The following ALK variants were observed in gnomAD, a reference collection of about 807,000 sequenced individuals.
The protein encoded by ALK is ALK tyrosine kinase receptor.
A neutral mutation model predicts 163.1 loss-of-function variants in ALK; 74 were observed. The ratio of observed to expected loss-of-function variants is 0.45; its 90% CI spans 0.38 to 0.55. The LOEUF is 0.55. Among genes scored for constraint, ALK ranks in the 20% least tolerant of loss-of-function variants. ALK has a pLI of 0.00. For missense variants in ALK, 2,063 were observed against 2,105.3 expected, an observed-to-expected ratio of 0.98 and a Z score of 0.39; for synonymous variants, 960 against 843.2, an observed-to-expected ratio of 1.14 and a Z score of -2.40.
intron 4 of ALK, among the ~76,000 whole-genome samples, chr2:29,412,500 T>A (rs1044171911): frequency 6.6e-6 from 1 of 152,194 alleles, no homozygotes; most frequent in Non-Finnish European, 1.5e-5. Context: ...ATTGACTTAG[T>A]CACCTTATGG....
At chr2:29,503,964 C>T (rs1338444799) in intron 4 of ALK, among the ~76,000 whole-genome samples, 3 of 151,690 alleles carry the variant, frequency 2.0e-5, no homozygotes, top group Non-Finnish European at 4.4e-5. Context: ...GTGGCAAAAA[C>T]TGCAATTACT....
chr2:29,211,709 C>A (rs1353708024), intron 24 of ALK, among the ~76,000 whole-genome samples: 1 of 152,176 alleles, frequency 6.6e-6, no homozygotes, highest in Non-Finnish European at 1.5e-5. Context: ...GTACCACAGA[C>A]CTCTTAGCTA....
chr2:29,670,579 C>A (rs1278211852), intron 3 of ALK, among the ~76,000 whole-genome samples: 1 of 152,004 alleles, frequency 6.6e-6, no homozygotes, highest in Non-Finnish European at 1.5e-5. Flanking sequence ...GCTATTATTT[C>A]TTCGAATAAA....
At chr2:29,831,660 A>G (rs989293933) in intron 1 of ALK, among the ~76,000 whole-genome samples, 1 of 152,210 alleles carries the variant, frequency 6.6e-6, no homozygotes, top group Admixed American at 6.5e-5. Flanking sequence ...TCAAGATTCA[A>G]CACCTAATAG....
chr2:29,851,461 T>C (rs1392703417), intron 1 of ALK, among the ~76,000 whole-genome samples: 1 of 152,172 alleles, frequency 6.6e-6, no homozygotes, highest in African/African-American at 2.4e-5. Context: ...TTCCTCTTGG[T>C]CTGTCTAAGA....
intron 8 of ALK, among the ~76,000 whole-genome samples, chr2:29,299,188 G>A (rs1371533563): frequency 1.3e-5 from 2 of 152,118 alleles, no homozygotes; most frequent in African/African-American, 4.8e-5. Context: ...ACTCTTCAGA[G>A]TCTCCTAAAG....
At position 29,733,707 on chromosome 2, in the gene ALK, G is replaced by A. The variant is rs377671860; in HGVS notation, c.668-16010C>T. On this transcript the variant is annotated intron_variant, in intron 1 of 28. Transcript: ENST00000389048. ...CAAAATATGGGCCCAGCCATTGAGA[G>A]TTCTGAGTTTTAAAACTTCAGGGAA... is the stretch of plus-strand genomic sequence containing the variant. Among the ~76,000 whole-genome samples the A allele has an allele frequency of 2.1e-4, 32 of 152,300 alleles. No homozygotes were observed. The East Asian group carries it at 4.0e-3, about 19-fold the overall frequency.
intron 3 of ALK, among the ~76,000 whole-genome samples, chr2:29,645,414 G>A (rs1256529882): frequency 1.3e-5 from 2 of 152,154 alleles, no homozygotes; most frequent in East Asian, 1.9e-4. Context: ...TGGTCAGCTT[G>A]AGGAATGTCC....
At position 29,222,708 on chromosome 2, in the gene ALK, C is replaced by A. The variant is rs917241690; in HGVS notation, c.3360-101G>T. On this transcript the variant is annotated intron_variant, in intron 20 of 28. Transcript: ENST00000389048. ...GGGCGTCACATTTAGTGGACAAACA[C>A]GAGAGGCGGGGGTAACATACACACT... 6 of 987,034 alleles carry A rather than the reference C, an allele frequency of 6.1e-6. No individual in the cohort carries two copies. The African/African-American group carries it at 9.7e-5, about 16-fold the overall frequency. 61.1% of individuals were successfully genotyped at this position (987,034 alleles called of 1,614,324 possible). A position where few individuals can be genotyped will look rare whatever the true frequency, so the allele number is the denominator to read the frequency against.
intron 1 of ALK, among the ~76,000 whole-genome samples, chr2:29,847,916 C>G (rs1174480640): frequency 6.6e-6 from 1 of 151,996 alleles, no homozygotes; most frequent in African/African-American, 2.4e-5. Context: ...GAAGGAGAAG[C>G]AGAGATGGGA....
At chr2:29,446,875 C>CAGAT (rs2148087915) in intron 4 of ALK, among the ~76,000 whole-genome samples, 1 of 152,294 alleles carries the variant, frequency 6.6e-6, no homozygotes, top group South Asian at 2.1e-4. Flanking sequence ...TTATAAAATG[C>CAGAT]AGATGCTGGG....
At chr2:29,873,530 G>C (rs987716617) in intron 1 of ALK, among the ~76,000 whole-genome samples, 3 of 152,174 alleles carry the variant, frequency 2.0e-5, no homozygotes, top group African/African-American at 7.2e-5. Context: ...CCAAGTCAGA[G>C]ATGGGAAGTA....
At position 29,251,241 on chromosome 2, in the gene ALK, C is replaced by T. The variant is rs375105843; in HGVS notation, c.2068G>A (p.Ala690Thr). ...TVHWLFTTCG[A>T]SGPHGPTQAQ... ...TGGGTGGGGCCATGGGGCCCGCTGG[C>T]CCCACATGTGGTGAACAGCCAATGA... The change falls in exon 12 of 29, where the codon GCC becomes ACC. Residue 690 changes from alanine (A) to threonine (T), a missense_variant. Physicochemically the swap from Ala to Thr is moderately conservative, Grantham distance 58 (BLOSUM62 0). Coordinates refer to ENST00000389048, the MANE Select transcript of ALK (RefSeq NM_004304.5). The T allele has an allele frequency of 6.2e-7, 1 of 1,613,910 alleles. No homozygotes were observed. The highest frequency in any genetic ancestry group is 1.7e-5 in the Admixed American group (1 of 60,006).
At chr2:29,782,285 C>A (rs550395300) in intron 1 of ALK, among the ~76,000 whole-genome samples, 2 of 152,086 alleles carry the variant, frequency 1.3e-5, no homozygotes, top group Non-Finnish European at 2.9e-5. Context: ...GGTGAAGAGA[C>A]CTGTGGGTTT....
rs142523023 is a variant in ALK at position 29,214,055 on chromosome 2, C to T, written c.3672G>A (p.Leu1224=). ...RPSQPSSLAM[L]DLLHVARDIA... ...TGTCCCGAGCCACGTGCAGAAGGTC[C>T]AGCATGGCCAGGGAGGAGGGCTGGC... is the stretch of plus-strand genomic sequence containing the variant. Residue 1224 remains leucine, a synonymous_variant, in exon 24 of 29, where the codon CTG becomes CTA. Coordinates refer to ENST00000389048, the MANE Select transcript of ALK (RefSeq NM_004304.5). 2 of 1,613,946 alleles carry T rather than the reference C, an allele frequency of 1.2e-6. No homozygotes were observed. Among genetic ancestry groups the T allele is most frequent in the Non-Finnish European group, 8.5e-7 (1 of 1,179,960 alleles).
intron 4 of ALK, among the ~76,000 whole-genome samples, chr2:29,402,308 T>C (rs1669467823): frequency 1.3e-5 from 2 of 152,178 alleles, no homozygotes; most frequent in Admixed American, 6.5e-5. Flanking sequence ...CAGAACAACT[T>C]CCCCACAGGC....
chr2:29,632,179 T>C (rs1340378586), intron 3 of ALK, among the ~76,000 whole-genome samples: 1 of 152,156 alleles, frequency 6.6e-6, no homozygotes. Flanking sequence ...GTGCAGAGCT[T>C]TGCACAAAGT....
rs57881134 is a variant in ALK at position 29,251,134 on chromosome 2, G to A, written c.2175C>T (p.Ile725=). The A allele has an allele frequency of 1.1e-3, 1,774 of 1,614,108 alleles. 16 individuals are homozygous for A. The African/African-American group carries it at 0.021, about 19-fold the overall frequency. Residue 725 remains isoleucine (I), a synonymous_variant, in exon 12 of 29, where the codon ATC becomes ATT. Coordinates refer to ENST00000389048, the MANE Select transcript of ALK (RefSeq NM_004304.5). ...AGGTGTCGGTGGCTGGCACCTTCCA[G>A]ATCTGGATGCCTTTCAGGGGGCCCT... ...GSEGPLKGIQ[I]WKVPATDTYS...
rs34399929 is a variant in ALK, at chr2:29,604,163, G to GTTTTT, written c.953-72052_953-72048dup. Reference sequence around the variant, plus strand: ...TAACTCAAGAGCTGAGAATAGAGAAGTTTTTTTTTTTTTTTTTTACAGTTT... The same window carrying GTTTTT: ...TAACTCAAGAGCTGAGAATAGAGAAGTTTTTTTTTTTTTTTTTTTTTTTACAGTTT... On this transcript the variant is annotated intron_variant, in intron 3 of 28. Transcript: ENST00000389048. Among the ~76,000 whole-genome samples, 77 of 138,166 alleles carry GTTTTT rather than the reference G, an allele frequency of 5.6e-4. 1 individual carries two copies. Among genetic ancestry groups the GTTTTT allele is most frequent in the African/African-American group, 2.0e-3 (74 of 37,214 alleles). The allele number at this position is 138,166 out of a possible 152,430, so 90.6% of individuals were successfully genotyped here. A position where few individuals can be genotyped will look rare whatever the true frequency, so the allele number is the denominator to read the frequency against.
Sources: gnomAD v4.1 joint callset for allele counts (sites outside exome capture counted in the v4.1 genomes callset) on GRCh38, gnomAD v4.1.1 for gene constraint, MANE v1.5 for transcripts, NCBI Gene and HGNC (gene_info 2026-07-23, HGNC 2026-07-21) for gene names.